The following SEMA3A variants were observed in gnomAD, a reference collection of about 807,000 sequenced individuals.
The protein encoded by SEMA3A is semaphorin 3A, also known as semaphorin-3A.
A neutral mutation model predicts 97.9 loss-of-function variants in SEMA3A; 29 were observed. That is an observed-to-expected ratio of 0.30 (90% CI 0.22 to 0.40). The LOEUF (loss-of-function observed/expected upper bound fraction) is 0.40, where lower values mean the gene tolerates loss of function less well. SEMA3A is among the 10% of genes least tolerant of loss of function. The pLI is 1.00. For missense variants in SEMA3A, 763 were observed against 951.3 expected (o/e 0.80, Z 2.60); for synonymous variants, 321 against 323.7 (o/e 0.99, Z 0.09).
intron 6 of SEMA3A, among the ~76,000 whole-genome samples, chr7:84,036,452 G>A (rs960949498): frequency 1.4e-4 from 21 of 152,220 alleles, no homozygotes; most frequent in African/African-American, 4.8e-4. Context: ...TTCATACACT[G>A]TGCTATTATC....
At chr7:84,129,440 G>C (rs975782023) in intron 2 of SEMA3A, among the ~76,000 whole-genome samples, 37 of 152,164 alleles carry the variant, frequency 2.4e-4, no homozygotes, top group African/African-American at 8.4e-4. Flanking sequence ...GTAGACAATA[G>C]ATCTAAGCAG....
At chr7:84,434,482 G>A (rs1168795571) in intron 1 of SEMA3A, among the ~76,000 whole-genome samples, 1 of 152,080 alleles carries the variant, frequency 6.6e-6, no homozygotes, top group Non-Finnish European at 1.5e-5. Context: ...TAAAAATTGA[G>A]AAGGAGGGAC....
At chr7:84,342,319 G>A (rs1802190959) in intron 2 of SEMA3A, among the ~76,000 whole-genome samples, 2 of 152,260 alleles carry the variant, frequency 1.3e-5, no homozygotes, top group South Asian at 4.1e-4. Flanking sequence ...ACAGGTGTGA[G>A]CCACCACACT....
chr7:84,388,036 T>C (rs2116164132), intron 1 of SEMA3A, among the ~76,000 whole-genome samples: 1 of 152,236 alleles, frequency 6.6e-6, no homozygotes, highest in East Asian at 1.9e-4. Context: ...CCTCATTTCC[T>C]ATGTTAAAAT....
intron 1 of SEMA3A, among the ~76,000 whole-genome samples, chr7:84,413,987 A>T (rs148579591): frequency 9.2e-5 from 14 of 152,222 alleles, no homozygotes; most frequent in Admixed American, 9.2e-4. Context: ...AATTTAGAAG[A>T]CAGAAAAATT....
At chr7:84,419,545 T>C (rs1305949324) in intron 1 of SEMA3A, among the ~76,000 whole-genome samples, 1 of 138,028 alleles carries the variant, frequency 7.2e-6, no homozygotes, top group African/African-American at 2.9e-5. Context: ...AAAAAAAAAA[T>C]AGTTGAGACC....
intron 3 of SEMA3A, among the ~76,000 whole-genome samples, chr7:84,296,189 A>AT (rs997774343): frequency 2.8e-4 from 42 of 151,180 alleles, no homozygotes; most frequent in African/African-American, 8.0e-4. Context: ...ATATGAACGT[A>AT]TTTTTTTTTG....
intron 3 of SEMA3A, among the ~76,000 whole-genome samples, chr7:84,201,916 C>A (rs1798368345): frequency 6.6e-6 from 1 of 152,068 alleles, no homozygotes. Flanking sequence ...TAAAGATCCC[C>A]AAACATCTAA....
chr7:84,041,936 A>C (rs1792148134), intron 6 of SEMA3A, among the ~76,000 whole-genome samples: 2 of 152,154 alleles, frequency 1.3e-5, no homozygotes, highest in African/African-American at 4.8e-5. Flanking sequence ...ATGCAATTGG[A>C]TACTCTGACG....
intron 1 of SEMA3A, among the ~76,000 whole-genome samples, chr7:84,180,144 C>A (rs142425239): frequency 0.015 from 2,239 of 150,356 alleles, 56 homozygotes; most frequent in African/African-American, 0.051. Flanking sequence ...CAGGGTTTCT[C>A]CATATTGGTC....
chr7:84,445,925 T>G (rs966860745), intron 1 of SEMA3A, among the ~76,000 whole-genome samples: 1 of 151,966 alleles, frequency 6.6e-6, no homozygotes, highest in Non-Finnish European at 1.5e-5. Context: ...GTTTACCCTC[T>G]TAAAATATCA....
intron 1 of SEMA3A, among the ~76,000 whole-genome samples, chr7:84,444,059 G>A (rs1308304558): frequency 6.6e-6 from 1 of 151,474 alleles, no homozygotes; most frequent in African/African-American, 2.4e-5. Flanking sequence ...GCTAATTTTT[G>A]TATTTTAGTA....
At chr7:84,206,527 T>A (rs1203337791) in intron 3 of SEMA3A, among the ~76,000 whole-genome samples, 1 of 152,118 alleles carries the variant, frequency 6.6e-6, no homozygotes, top group Non-Finnish European at 1.5e-5. Flanking sequence ...TTTCAACATG[T>A]TAGCCAGGAT....
chr7:84,023,559 T>C (rs11974894), intron 6 of SEMA3A, among the ~76,000 whole-genome samples: 112,011 of 152,046 alleles, frequency 0.74, 41,457 homozygotes, highest in Middle Eastern at 0.82. Context: ...GTTAATTTCA[T>C]AACACGAACC....
At chr7:84,070,699 A>G (rs1793708884) in intron 4 of SEMA3A, among the ~76,000 whole-genome samples, 1 of 152,058 alleles carries the variant, frequency 6.6e-6, no homozygotes, top group East Asian at 1.9e-4. Flanking sequence ...GACACTTTGT[A>G]TGCCAGTTAT....
At position 84,286,322 on chromosome 7, in the gene SEMA3A, A is replaced by G. The variant is rs140804932; in HGVS notation, c.-83+20885T>C. Among the ~76,000 whole-genome samples, 32 of 152,316 alleles carry G rather than the reference A, an allele frequency of 2.1e-4. 1 individual carries two copies. In the East Asian group the frequency reaches 5.8e-3, roughly 28 times the overall value. On this transcript the variant is annotated intron_variant, in intron 3 of 3. Coordinates refer to the SEMA3A transcript ENST00000424555. Reference sequence around the variant, plus strand: ...TCAGTGGCAGACAGTGAAGGAATGTAGAACAGATCAAGAGTAATGTCGATA... The same window carrying G: ...TCAGTGGCAGACAGTGAAGGAATGTGGAACAGATCAAGAGTAATGTCGATA...
intron 6 of SEMA3A, among the ~76,000 whole-genome samples, chr7:84,034,137 C>T (rs774545622): frequency 8.6e-5 from 13 of 152,000 alleles, no homozygotes; most frequent in Non-Finnish European, 1.8e-4. Flanking sequence ...GCACATACCA[C>T]CACACCTGGC....
At chr7:84,443,311 G>C (rs1292223486) in intron 1 of SEMA3A, among the ~76,000 whole-genome samples, 1 of 152,054 alleles carries the variant, frequency 6.6e-6, no homozygotes. Flanking sequence ...GGAATTAAAA[G>C]ATAAGAATTA....
intron 3 of SEMA3A, among the ~76,000 whole-genome samples, chr7:84,257,503 T>A (rs944973938): frequency 1.3e-5 from 2 of 152,182 alleles, no homozygotes; most frequent in Non-Finnish European, 2.9e-5. Flanking sequence ...TCAGGTAACA[T>A]TTAAAGTATT....
Sources: allele counts gnomAD v4.1 joint callset (sites outside exome capture counted in the v4.1 genomes callset), GRCh38; gene constraint gnomAD v4.1.1; transcripts MANE v1.5; gene names NCBI Gene and HGNC (gene_info 2026-07-23, HGNC 2026-07-21).